TAOK2: variants seen among roughly 807,000 people sequenced by gnomAD.
The protein encoded by TAOK2 is TAO kinase 2.
A neutral mutation model predicts 122.5 loss-of-function variants in TAOK2; 42 were observed. The observed-to-expected ratio is 0.34, with a 90% confidence interval of 0.27 to 0.44. TAOK2 has a LOEUF of 0.44. Among genes scored for constraint, TAOK2 ranks in the 20% least tolerant of loss-of-function variants. The probability of loss-of-function intolerance (pLI) is 1.00; values close to 1 mark genes in which losing one functional copy is unlikely to be tolerated. For missense variants in TAOK2, 1,264 were observed against 1,644.9 expected (o/e 0.77, Z 4.01); for synonymous variants, 704 against 677.6 (o/e 1.04, Z -0.61).
intron 11 of TAOK2, 47 bp downstream of exon 11, chr16:29,982,948 T>C: frequency 1.2e-6 from 2 of 1,608,020 alleles, no homozygotes; most frequent in Non-Finnish European, 1.7e-6. Flanking sequence ...CATGTGTGCC[T>C]GCCCCCTGCA....
downstream of TAOK2, chr16:29,991,770 C>A: frequency 1.8e-6 from 1 of 557,212 alleles, no homozygotes; most frequent in Non-Finnish European, 2.8e-6. This position sits in a 1 kb window ranked among gnomAD's most constrained non-coding sequence, Gnocchi z 5.6. Flanking sequence ...TCAAGGCTGC[C>A]TGGGAGCCCC....
At chr16:29,978,610 A>G (rs185101447) in intron 4 of TAOK2, among the ~76,000 whole-genome samples, 189 bp from the exon 5 acceptor site, 255 of 152,262 alleles carry the variant, frequency 1.7e-3, no homozygotes, top group African/African-American at 5.9e-3. Flanking sequence ...GAAGGGATTC[A>G]GATGGGCAGT....
downstream of TAOK2, chr16:29,988,710 A>G (rs918549945): frequency 1.2e-5 from 12 of 985,150 alleles, no homozygotes; most frequent in East Asian, 2.3e-4. Context: ...TTTTCTCCCA[A>G]CCATGGCTGC....
rs1042679211 is a variant in TAOK2, at chr16:29,985,661, CTCCAGGAGA to C, written c.1793_1801del (p.Leu598_Asn601delinsHis). 6.2e-7 allele frequency: 1 copy of C among 1,610,402 alleles called. No homozygotes were observed. The highest frequency in any genetic ancestry group is 8.5e-7 in the Non-Finnish European group (1 of 1,178,554). ...GCTTCCCTCTGCACTCGCCCAGGAGCTCCAGGAGAACCCCAGCACTCCCAAGCGGGAGAA... is the reference window on the plus strand; with the variant it reads ...GCTTCCCTCTGCACTCGCCCAGGAGCACCCCAGCACTCCCAAGCGGGAGAA... On this transcript the variant is annotated inframe_deletion, in exon 15 of 16. Transcript: ENST00000308893. This position sits in a 1 kb window ranked among gnomAD's most constrained non-coding sequence, Gnocchi z 6.9.
Position 29,987,932 on chromosome 16 carries a change from G to T in TAOK2, c.3660G>T (p.Gly1220=). 3 of 1,545,128 alleles carry T rather than the reference G, an allele frequency of 1.9e-6. No homozygotes were observed. The highest frequency in any genetic ancestry group is 1.7e-6 in the Non-Finnish European group (2 of 1,151,048). The change falls in exon 16 of 16, where the codon GGG becomes GGT. Residue 1220 remains glycine (G), a synonymous_variant. Transcript: ENST00000308893. ...AGCCACTGCCAGGGACTCTAGCCGG[G>T]CGGAGGTCACGCACCCGCCAGTCCC... ...SRQPLPGTLA[G]RRSRTRQSRA...
In TAOK2 at chr16:29,985,362, G is replaced by A. The variant is rs79799790; in HGVS notation, c.1572G>A (p.Leu524=). 4,970 of 1,611,276 alleles carry A rather than the reference G, an allele frequency of 3.1e-3. 140 individuals carry two copies. In the African/African-American group the frequency reaches 0.059, roughly 19 times the overall value. ...AACGGGAGGAGCACAGTGCACGGCT[G>A]CAGCGGGAGCTTGAGGCGCAGCGGG... is the stretch of plus-strand genomic sequence containing the variant. ...RGEREEHSAR[L]QRELEAQRAG... The change falls in exon 14 of 16, where the codon CTG becomes CTA. Residue 524 remains leucine, a synonymous_variant. Transcript: ENST00000308893. The surrounding 1 kb of genome is among the most constrained non-coding windows in gnomAD (Gnocchi z 6.9).
chr16:29,987,614 G>A lies in TAOK2; in HGVS notation c.3342G>A (p.Leu1114=), dbSNP rs374252719. The part of the protein sequence containing the change: ...GAVGDRGLFA[L]YPKTNKDGFR... ...TGGGGGACCGGGGTCTGTTTGCACT[G>A]TACCCCAAAACCAACAAGGATGGCT... is the stretch of plus-strand genomic sequence containing the variant. The change falls in exon 16 of 16, where the codon CTG becomes CTA. Residue 1114 remains leucine (L), a synonymous_variant. Transcript: ENST00000308893. The A allele has an allele frequency of 5.0e-6, 8 of 1,612,880 alleles. No individual in the cohort carries two copies. Among genetic ancestry groups the A allele is most frequent in the Middle Eastern group, 1.6e-4 (1 of 6,082 alleles).
In TAOK2 at chr16:29,986,182, C is replaced by T; in HGVS notation, c.1993-83C>T. 2.0e-6 allele frequency: 3 copies of T among 1,496,152 alleles called. No homozygotes were observed. Among genetic ancestry groups the T allele is most frequent in the South Asian group, 1.4e-5 (1 of 71,412 alleles). 92.7% of individuals were successfully genotyped at this position (1,496,152 alleles called of 1,614,324 possible). A position where few individuals can be genotyped will look rare whatever the true frequency, so the allele number is the denominator to read the frequency against. Reference sequence around the variant, plus strand: ...GGGCCCTGTGTTTCTTCCGCCATCCCCAGCTCCCTCTGCCAAGGAGCCCTG... The same window carrying T: ...GGGCCCTGTGTTTCTTCCGCCATCCTCAGCTCCCTCTGCCAAGGAGCCCTG... On this transcript the variant is annotated intron_variant, in intron 15 of 15. Coordinates refer to ENST00000308893, the MANE Select transcript of TAOK2 (RefSeq NM_016151.4). The surrounding 1 kb of genome is among the most constrained non-coding windows in gnomAD (Gnocchi z 4.2).
At chr16:29,991,888 A>G (rs533796929), downstream of TAOK2, 2 of 266,910 alleles carry the variant, frequency 7.5e-6, no homozygotes, top group East Asian at 1.4e-4. The surrounding 1 kb of genome is among the most constrained non-coding windows in gnomAD (Gnocchi z 5.6). Flanking sequence ...GGGTGGGTCT[A>G]GACATACTAT....
intron 4 of TAOK2, 48 bp downstream of exon 4, chr16:29,978,401 C>G (rs777054585): frequency 7.6e-6 from 12 of 1,570,276 alleles, no homozygotes; most frequent in Non-Finnish European, 1.1e-5. Flanking sequence ...TATTCATGCC[C>G]GTCCTTATCG....
rs1162382314 is a variant in TAOK2 at position 29,983,131 on chromosome 16, A to G, written c.1059A>G (p.Ser353=). ...GTLTSLESSH[S]VPSMSISASS... ...TGACCAGCCTCGAGAGTAGCCACTC[A>G]GTGCCCAGCATGTCCATCAGCGCCT... Residue 353 remains serine (S), a synonymous_variant, in exon 12 of 16, where the codon TCA becomes TCG. Coordinates refer to ENST00000308893, the MANE Select transcript of TAOK2 (RefSeq NM_016151.4). The G allele has an allele frequency of 3.7e-6, 6 of 1,614,088 alleles. No individual in the cohort carries two copies. The highest frequency in any genetic ancestry group is 3.3e-5 in the South Asian group (3 of 91,088).
At chr16:29,976,774 C>A (rs914052025) in intron 1 of TAOK2, among the ~76,000 whole-genome samples, 3 of 152,218 alleles carry the variant, frequency 2.0e-5, no homozygotes, top group Admixed American at 6.5e-5. Context: ...GCCGAAGGTC[C>A]TGTTCTCTGA....
At chr16:29,984,142 G>A (rs2150897330) in intron 13 of TAOK2, among the ~76,000 whole-genome samples, 1 of 152,322 alleles carries the variant, frequency 6.6e-6, no homozygotes, top group Admixed American at 6.5e-5. Flanking sequence ...CAGGGATGGT[G>A]TTCAGATATC....
Position 29,979,387 on chromosome 16 carries a change from T to C in TAOK2, c.564-30T>C. The C allele has an allele frequency of 6.2e-7, 1 of 1,604,604 alleles. No homozygotes were observed. Among genetic ancestry groups the C allele is most frequent in the South Asian group, 1.1e-5 (1 of 90,004 alleles). ...GGAGTGACAGGGTCTCGGCGGGTGA[T>C]TTGCCTCTCTCTCCTGACCATTCTC... On this transcript the variant is annotated intron_variant, in intron 7 of 15. Coordinates refer to ENST00000308893, the MANE Select transcript of TAOK2 (RefSeq NM_016151.4). This position sits in a 1 kb window ranked among gnomAD's most constrained non-coding sequence, Gnocchi z 4.1.
chr16:29,989,881 AG>A, downstream of TAOK2: 1 of 1,487,922 alleles, frequency 6.7e-7, no homozygotes, highest in Admixed American at 1.9e-5. Context: ...TGGACGGTGC[AG>A]GGCATGCACA....
At chr16:29,984,995 G>C (rs779545236) in intron 13 of TAOK2, 57 of 478,764 alleles carry the variant, frequency 1.2e-4, no homozygotes, top group Non-Finnish European at 6.3e-5. Context: ...CCCTGTGCTC[G>C]CCACCTTTTA....
chr16:29,988,463 GCTGACCCTCGGC>G, downstream of TAOK2: 1 of 1,234,414 alleles, frequency 8.1e-7, no homozygotes, highest in Non-Finnish European at 1.0e-6. Context: ...ATGCCCCCAG[GCTGACCCTCGGC>G]CCGGCTCCAT....
Position 29,978,279 on chromosome 16 carries a change from C to T in TAOK2, c.232C>T (p.Arg78Trp), listed in dbSNP as rs1374212447. 1 of 1,613,968 alleles carries T rather than the reference C, an allele frequency of 6.2e-7. No individual in the cohort carries two copies. The highest frequency in any genetic ancestry group is 1.7e-5 in the Admixed American group (1 of 59,996). ...EKWQDIIKEV[R>W]FLQKLRHPNT... The stretch of plus-strand genomic sequence containing the variant: ...ATGGCAAGACATCATCAAGGAGGTG[C>T]GGTTCTTACAGAAGCTCCGGCATCC... Residue 78 changes from arginine to tryptophan, a missense_variant, in exon 4 of 16, where the codon CGG (arginine) becomes TGG (tryptophan). Around this residue, in one of 4 missense-constraint regions of TAOK2, gnomAD observed 254 missense variants for 503.8 expected, o/e 0.50. Coordinates refer to ENST00000308893, the MANE Select transcript of TAOK2 (RefSeq NM_016151.4).
At chr16:29,989,049 T>C (rs2069902135), downstream of TAOK2, 1 of 985,312 alleles carries the variant, frequency 1.0e-6, no homozygotes, top group South Asian at 4.7e-5. Context: ...CCTCCTTCCC[T>C]GCCTTCCTCC....
Sources: allele counts gnomAD v4.1 joint callset (sites outside exome capture counted in the v4.1 genomes callset), GRCh38; gene constraint gnomAD v4.1.1; regional missense constraint gnomAD v4.1.1; non-coding constraint Gnocchi (gnomAD v3.1); transcripts MANE v1.5; gene names NCBI Gene and HGNC (gene_info 2026-07-23, HGNC 2026-07-21).